Variants in FBXL7 observed in about 807,000 individuals in gnomAD.
FBXL7 encodes the protein F-box/LRR-repeat protein 7.
Under a neutral mutation model 38.3 loss-of-function variants are expected in FBXL7, and 12 were observed. That is an observed-to-expected ratio of 0.31 (90% CI 0.20 to 0.51). The LOEUF (loss-of-function observed/expected upper bound fraction) is 0.51. Ranked by LOEUF, FBXL7 falls within the 20% of genes least tolerant of loss-of-function variation. The probability of loss-of-function intolerance (pLI) is 0.98; values close to 1 mark genes in which losing one functional copy is unlikely to be tolerated. For missense variants in FBXL7, 567 were observed against 676.4 expected (o/e 0.84, Z 1.79); for synonymous variants, 297 against 300.9 (o/e 0.99, Z 0.13).
chr5:15,737,361 C>G (rs73070564), intron 2 of FBXL7, among the ~76,000 whole-genome samples: 2,053 of 152,282 alleles, frequency 0.013, 46 homozygotes, highest in African/African-American at 0.047. Flanking sequence ...CAAGTATTTT[C>G]ATGAACAAGT....
intron 1 of FBXL7, among the ~76,000 whole-genome samples, chr5:15,512,481 G>C (rs1647957578): frequency 6.6e-6 from 1 of 152,256 alleles, no homozygotes; most frequent in South Asian, 2.1e-4. Flanking sequence ...TCTTTATTGA[G>C]TCTAGGAAAA....
At chr5:15,598,721 A>C (rs548500206) in intron 1 of FBXL7, among the ~76,000 whole-genome samples, 2 of 152,148 alleles carry the variant, frequency 1.3e-5, no homozygotes, top group Non-Finnish European at 2.9e-5. Context: ...GAGAGCACGC[A>C]TCTCTTTCTT....
At chr5:15,753,909 G>A (rs1414458336) in intron 2 of FBXL7, among the ~76,000 whole-genome samples, 2 of 152,150 alleles carry the variant, frequency 1.3e-5, no homozygotes, top group African/African-American at 4.8e-5. Context: ...ATCAGATATA[G>A]GCTCTAGCCT....
chr5:15,627,437 C>T (rs1395959355), intron 2 of FBXL7, among the ~76,000 whole-genome samples: 1 of 152,118 alleles, frequency 6.6e-6, no homozygotes, highest in East Asian at 1.9e-4. Flanking sequence ...GGAGAAATCT[C>T]ACTGGGTCCA....
At chr5:15,580,931 C>A in intron 1 of FBXL7, 2 of 450,558 alleles carry the variant, frequency 4.4e-6, no homozygotes, top group Non-Finnish European at 2.9e-6. Context: ...GCCGGGTGAC[C>A]CAGCAGAGGC....
At chr5:15,789,557 T>C (rs1229189304) in intron 2 of FBXL7, among the ~76,000 whole-genome samples, 2 of 152,134 alleles carry the variant, frequency 1.3e-5, no homozygotes, top group Admixed American at 1.3e-4. Flanking sequence ...GTTCAGGCTG[T>C]TTGTGCTCTG....
intron 2 of FBXL7, among the ~76,000 whole-genome samples, chr5:15,700,445 C>A (rs1042199268): frequency 6.6e-6 from 1 of 152,114 alleles, no homozygotes; most frequent in Non-Finnish European, 1.5e-5. Context: ...TTTTTGGAGA[C>A]TAAGATAATT....
At chr5:15,718,681 C>T (rs1744112088) in intron 2 of FBXL7, among the ~76,000 whole-genome samples, 1 of 152,158 alleles carries the variant, frequency 6.6e-6, no homozygotes, top group Non-Finnish European at 1.5e-5. Context: ...GGAAAAAATA[C>T]GTGGTGTTTA....
At chr5:15,810,343 T>G (rs2126752005) in intron 2 of FBXL7, among the ~76,000 whole-genome samples, 1 of 152,152 alleles carries the variant, frequency 6.6e-6, no homozygotes, top group East Asian at 1.9e-4. Context: ...GGCAGATCAC[T>G]TGAGGTCAAG....
At chr5:15,897,136 C>A (rs536470596) in intron 2 of FBXL7, among the ~76,000 whole-genome samples, 19 of 152,104 alleles carry the variant, frequency 1.2e-4, no homozygotes, top group African/African-American at 3.6e-4. Context: ...CTATCTCTCT[C>A]TATATATACG....
chr5:15,609,672 A>G (rs1740159708), intron 1 of FBXL7, among the ~76,000 whole-genome samples: 2 of 152,326 alleles, frequency 1.3e-5, no homozygotes, highest in South Asian at 2.1e-4. Context: ...ACTTGTGGTC[A>G]TGTCAGTGTC....
At chr5:15,571,915 C>T (rs944605525) in intron 1 of FBXL7, among the ~76,000 whole-genome samples, 8 of 152,138 alleles carry the variant, frequency 5.3e-5, no homozygotes, top group East Asian at 1.9e-4. Context: ...CTAGCCCACA[C>T]ATGCCCCATC....
At chr5:15,906,115 G>GCC (rs1741353118) in intron 2 of FBXL7, among the ~76,000 whole-genome samples, 1 of 151,956 alleles carries the variant, frequency 6.6e-6, no homozygotes, top group South Asian at 2.1e-4. Flanking sequence ...TCTAAATAAA[G>GCC]ATCATCGCCA....
At chr5:15,713,105 C>A (rs900879353) in intron 2 of FBXL7, among the ~76,000 whole-genome samples, 11 of 152,070 alleles carry the variant, frequency 7.2e-5, no homozygotes, top group Admixed American at 5.9e-4. Context: ...CACCTGAGAC[C>A]GGGCAATTTA....
intron 2 of FBXL7, among the ~76,000 whole-genome samples, chr5:15,720,870 G>T (rs1744174453): frequency 6.6e-6 from 1 of 151,876 alleles, no homozygotes; most frequent in Non-Finnish European, 1.5e-5. Context: ...TTTTGGTAGT[G>T]CAAATTATTT....
At chr5:15,925,551 T>C (rs1741857824) in intron 2 of FBXL7, among the ~76,000 whole-genome samples, 1 of 152,252 alleles carries the variant, frequency 6.6e-6, no homozygotes, top group Non-Finnish European at 1.5e-5. Context: ...ATTTTTGTAT[T>C]GCATGTTATT....
intron 1 of FBXL7, among the ~76,000 whole-genome samples, chr5:15,596,855 C>A (rs1325267901): frequency 1.3e-5 from 2 of 152,186 alleles, no homozygotes; most frequent in African/African-American, 4.8e-5. Flanking sequence ...GGCATGGACG[C>A]TCCATGCCCC....
chr5:15,927,789 A>T, intron 2 of FBXL7, 101 bp from the exon 3 acceptor site: 1 of 782,582 alleles, frequency 1.3e-6, no homozygotes, highest in Non-Finnish European at 1.7e-6. Flanking sequence ...AAAAAAAAAG[A>T]AGAAGAAAGA....
chr5:15,520,811 A>G (rs1013709241), intron 1 of FBXL7, among the ~76,000 whole-genome samples: 1 of 152,244 alleles, frequency 6.6e-6, no homozygotes, highest in African/African-American at 2.4e-5. Flanking sequence ...TTTAAAAAAT[A>G]CAATTAAAAT....
Sources: allele counts gnomAD v4.1 joint callset (sites outside exome capture counted in the v4.1 genomes callset), GRCh38; gene constraint gnomAD v4.1.1; transcripts MANE v1.5; gene names NCBI Gene and HGNC (gene_info 2026-07-23, HGNC 2026-07-21).